EFTUD2: variants seen among roughly 807,000 people sequenced by gnomAD.
EFTUD2 encodes 116 kDa U5 small nuclear ribonucleoprotein component.
Under a neutral mutation model 114.3 loss-of-function variants are expected in EFTUD2, and 9 were observed. The ratio of observed to expected loss-of-function variants is 0.08; its 90% CI spans 0.05 to 0.14. EFTUD2 has a LOEUF of 0.14. Among genes scored for constraint, EFTUD2 ranks in the 10% least tolerant of loss-of-function variants. The pLI is 1.00. For missense variants in EFTUD2, 765 were observed against 1,241.2 expected (o/e 0.62, Z 5.76); for synonymous variants, 449 against 462.3 (o/e 0.97, Z 0.37).
rs552742192 is a variant in EFTUD2, at chr17:44,854,908, C to G, written c.2132+10G>C. ...TCCTTTCGACCCTGGCGTCAGAGCC[C>G]TGTTCTCACCTGTTCCACGTAATCT... On this transcript the variant is annotated intron_variant, in intron 21 of 27. Coordinates refer to ENST00000426333, the MANE Select transcript of EFTUD2 (RefSeq NM_004247.4). This position sits in a 1 kb window ranked among gnomAD's most constrained non-coding sequence, Gnocchi z 4.3. The G allele has an allele frequency of 6.2e-7, 1 of 1,613,834 alleles. No homozygotes were observed. The highest frequency in any genetic ancestry group is 1.3e-5 in the African/African-American group (1 of 75,050).
At position 44,850,569 on chromosome 17, in the gene EFTUD2, C is replaced by G. The variant is rs1489759277; in HGVS notation, c.*705G>C. On this transcript the variant is annotated 3_prime_UTR_variant, in exon 28 of 28. Transcript: ENST00000426333. ...GAGTAAATGGCTGGAAATCAAAGTGCTCTGGCCCCCTACTCCAGGGCAAGG... is the reference window on the plus strand; with the variant it reads ...GAGTAAATGGCTGGAAATCAAAGTGGTCTGGCCCCCTACTCCAGGGCAAGG... 1 of 550,474 alleles carries G rather than the reference C, an allele frequency of 1.8e-6. No individual in the cohort carries two copies. The highest frequency in any genetic ancestry group is 4.6e-4 in the Middle Eastern group (1 of 2,184). 34.1% of individuals were successfully genotyped at this position (550,474 alleles called of 1,614,324 possible).
Position 44,881,942 on chromosome 17 carries a change from T to A in EFTUD2, c.493-220A>T, listed in dbSNP as rs2051079821. On this transcript the variant is annotated intron_variant, in intron 6 of 27. Coordinates refer to ENST00000426333, the MANE Select transcript of EFTUD2 (RefSeq NM_004247.4). Reference sequence around the variant, plus strand: ...TGTGGAGGGATTTTTTTATTTTTACTTTTTTGGAGACAGAGTTTTGCTCTT... The same window carrying A: ...TGTGGAGGGATTTTTTTATTTTTACATTTTTGGAGACAGAGTTTTGCTCTT... 4 of 518,204 alleles carry A rather than the reference T, an allele frequency of 7.7e-6. No individual in the cohort carries two copies. The East Asian group carries it at 1.4e-4, about 18-fold the overall frequency. The allele number at this position is 518,204 out of a possible 1,614,324, so 32.1% of individuals were successfully genotyped here.
intron 10 of EFTUD2, among the ~76,000 whole-genome samples, chr17:44,873,678 C>T (rs56147024): frequency 0.017 from 2,526 of 151,120 alleles, 52 homozygotes; most frequent in African/African-American, 0.05. Context: ...AACATGACCT[C>T]TTGACTTCCT....
At chr17:44,892,573 T>A (rs1415660149) in intron 2 of EFTUD2, among the ~76,000 whole-genome samples, 1 of 151,714 alleles carries the variant, frequency 6.6e-6, no homozygotes, top group Non-Finnish European at 1.5e-5. Flanking sequence ...CAACATGGTT[T>A]GAATGAGAAT....
chr17:44,867,297 ATTT>A (rs3058538), intron 13 of EFTUD2, among the ~76,000 whole-genome samples: 8 of 121,294 alleles, frequency 6.6e-5, no homozygotes, highest in Non-Finnish European at 1.2e-4. Flanking sequence ...CTTTCCTTTG[ATTT>A]TTTTTTTTTT....
At chr17:44,887,103 C>T (rs892201939) in intron 2 of EFTUD2, among the ~76,000 whole-genome samples, 3 of 152,138 alleles carry the variant, frequency 2.0e-5, no homozygotes, top group Non-Finnish European at 2.9e-5. Context: ...TGAAGATAAG[C>T]CCATACCTTT....
In EFTUD2 at chr17:44,856,937, A is replaced by G. The variant is rs189924131; in HGVS notation, c.2045+138T>C. The G allele has an allele frequency of 4.9e-5, 32 of 652,534 alleles. No homozygotes were observed. The African/African-American group carries it at 5.1e-4, about 10-fold the overall frequency. 40.4% of individuals were successfully genotyped at this position (652,534 alleles called of 1,614,324 possible). On this transcript the variant is annotated intron_variant, in intron 20 of 27. Coordinates refer to ENST00000426333, the MANE Select transcript of EFTUD2 (RefSeq NM_004247.4). The stretch of plus-strand genomic sequence containing the variant: ...GCTGAGAGGGCTGGAGTGAAACTCA[A>G]GTATTGTAAGCACCCCCTATTCTGA...
At chr17:44,891,782 C>T (rs769585072) in intron 2 of EFTUD2, 43 of 152,146 alleles carry the variant, frequency 2.8e-4, no homozygotes, top group African/African-American at 8.7e-4. Context: ...ACCATCACCA[C>T]GATCAATTTT....
chr17:44,859,812 C>T (rs1389428714), intron 18 of EFTUD2, 93 bp downstream of exon 18: 1 of 1,587,572 alleles, frequency 6.3e-7, no homozygotes. Context: ...AGCAGCAGAT[C>T]ATGAACACCT....
chr17:44,875,921 A>G lies in EFTUD2; in HGVS notation c.869+13T>C, dbSNP rs1178911964. ...CTCCGAGGACAGGAAATCCACTCCCAGGGGTTTTCTACCTTATTAATCCAT... is the reference window on the plus strand; with the variant it reads ...CTCCGAGGACAGGAAATCCACTCCCGGGGGTTTTCTACCTTATTAATCCAT... On this transcript the variant is annotated intron_variant, in intron 10 of 27. Transcript: ENST00000426333. The G allele has an allele frequency of 1.9e-6, 3 of 1,611,110 alleles. No individual in the cohort carries two copies. Among genetic ancestry groups the G allele is most frequent in the African/African-American group, 2.7e-5 (2 of 74,894 alleles).
rs1028433698 is a variant in EFTUD2, at chr17:44,883,856, T to C, written c.351-132A>G. On this transcript the variant is annotated intron_variant, in intron 4 of 27. Coordinates refer to ENST00000426333, the MANE Select transcript of EFTUD2 (RefSeq NM_004247.4). ...CAACTGGAGAGTGCTCAGGCAGATGTGAATGTCTATACTTACATAGCTCTG... is the reference window on the plus strand; with the variant it reads ...CAACTGGAGAGTGCTCAGGCAGATGCGAATGTCTATACTTACATAGCTCTG... 7 of 747,026 alleles carry C rather than the reference T, an allele frequency of 9.4e-6. No homozygotes were observed. In the African/African-American group the frequency reaches 1.2e-4, roughly 13 times the overall value. The allele number at this position is 747,026 out of a possible 1,614,324, so 46.3% of individuals were successfully genotyped here.
chr17:44,892,719 C>T (rs1055291987), intron 2 of EFTUD2, among the ~76,000 whole-genome samples: 23 of 143,630 alleles, frequency 1.6e-4, no homozygotes, highest in Admixed American at 7.4e-4. Flanking sequence ...CTCACTGCAA[C>T]GTCTACCTCC....
intron 11 of EFTUD2, among the ~76,000 whole-genome samples, chr17:44,871,751 G>A (rs1030122033): frequency 2.0e-5 from 3 of 152,232 alleles, no homozygotes; most frequent in Non-Finnish European, 2.9e-5. Flanking sequence ...ATGCTCCACC[G>A]CCTACTGGTC....
intron 1 of EFTUD2, among the ~76,000 whole-genome samples, chr17:44,896,497 A>T (rs1469918519): frequency 6.6e-6 from 1 of 152,090 alleles, no homozygotes; most frequent in East Asian, 1.9e-4. Flanking sequence ...AATACAAAAA[A>T]TTAGCCAGGT....
chr17:44,880,445 A>G, intron 8 of EFTUD2, 109 bp downstream of exon 8: 1 of 721,528 alleles, frequency 1.4e-6, no homozygotes, highest in Non-Finnish European at 2.3e-6. Flanking sequence ...AATGAAGGTG[A>G]GGGAATGTAA....
At position 44,872,499 on chromosome 17, in the gene EFTUD2, T is replaced by C. The variant is rs757956953; in HGVS notation, c.941A>G (p.Tyr314Cys). ...LGNVCFSSSQYSICFTLGSFA... is the reference protein window; with the variant it reads ...LGNVCFSSSQCSICFTLGSFA... ...GGAGCCCAGCGTGAAGCAGATGCTG[T>C]ACTGGGAGCTGGAGAAGCAGACGTT... Residue 314 changes from tyrosine to cysteine, a missense_variant, in exon 11 of 28, where the codon TAC (tyrosine) becomes TGC (cysteine). Transcript: ENST00000426333. 1.9e-6 allele frequency: 3 copies of C among 1,613,504 alleles called. No individual in the cohort carries two copies. Among genetic ancestry groups the C allele is most frequent in the Non-Finnish European group, 2.5e-6 (3 of 1,179,628 alleles).
chr17:44,895,227 G>A (rs1178278512), intron 1 of EFTUD2, among the ~76,000 whole-genome samples: 1 of 152,270 alleles, frequency 6.6e-6, no homozygotes, highest in Non-Finnish European at 1.5e-5. Flanking sequence ...CGGGCGCGGT[G>A]GCGCATGCCT....
At chr17:44,876,850 C>A (rs557305318) in intron 9 of EFTUD2, among the ~76,000 whole-genome samples, 1 of 61,298 alleles carries the variant, frequency 1.6e-5, no homozygotes, top group South Asian at 7.0e-4. Flanking sequence ...AGTGAGACTC[C>A]GTCTCAAAAA....
At chr17:44,863,883 G>A in intron 14 of EFTUD2, 101 bp from the exon 15 acceptor site, 2 of 1,479,426 alleles carry the variant, frequency 1.4e-6, no homozygotes, top group East Asian at 2.4e-5. Context: ...CAAAGTGCGG[G>A]GACTGATTGT....
Sources: gnomAD v4.1 joint callset for allele counts (sites outside exome capture counted in the v4.1 genomes callset) on GRCh38, gnomAD v4.1.1 for gene constraint, Gnocchi (gnomAD v3.1) non-coding constraint, MANE v1.5 for transcripts, NCBI Gene and HGNC (gene_info 2026-07-23, HGNC 2026-07-21) for gene names.